TUSC3: variants seen among roughly 807,000 people sequenced by gnomAD.
TUSC3 encodes tumor suppressor candidate 3.
TUSC3 carries 45 observed loss-of-function variants against 44.8 expected under a neutral mutation model. The ratio of observed to expected loss-of-function variants is 1.00; its 90% CI spans 0.79 to 1.29. The LOEUF is 1.29. Ranked by LOEUF, TUSC3 falls within the 50% of genes most tolerant of loss-of-function variation. The pLI, the probability that TUSC3 is intolerant of heterozygous loss-of-function variation, is 0.00. For missense variants in TUSC3, 519 were observed against 437.9 expected, an observed-to-expected ratio of 1.19 and a Z score of -1.65; for synonymous variants, 212 against 152.9, an observed-to-expected ratio of 1.39 and a Z score of -2.85.
chr8:15,488,876 T>C (rs979566478), intron 2 of TUSC3, among the ~76,000 whole-genome samples: 46 of 152,286 alleles, frequency 3.0e-4, no homozygotes, highest in African/African-American at 9.9e-4. Context: ...GTATTTGTTA[T>C]AGCATCCCAA....
At chr8:15,645,139 T>C (rs1253567870) in intron 2 of TUSC3, among the ~76,000 whole-genome samples, 1 of 152,172 alleles carries the variant, frequency 6.6e-6, no homozygotes, top group Non-Finnish European at 1.5e-5. Flanking sequence ...CAATATATCA[T>C]GCATATTGTT....
downstream of TUSC3, among the ~76,000 whole-genome samples, chr8:15,768,714 C>T (rs986345218): frequency 2.8e-4 from 43 of 152,252 alleles, no homozygotes; most frequent in Admixed American, 7.8e-4. Context: ...CCCCAAATCC[C>T]CTTAAGCTGA....
intron 6 of TUSC3, among the ~76,000 whole-genome samples, chr8:15,707,843 AG>A (rs1809680641): frequency 6.6e-6 from 1 of 151,922 alleles, no homozygotes; most frequent in Non-Finnish European, 1.5e-5. Flanking sequence ...CAAAATCAAA[AG>A]ATTAGCGGGG....
At chr8:15,512,754 C>G (rs1328050929) in intron 2 of TUSC3, among the ~76,000 whole-genome samples, 1 of 151,008 alleles carries the variant, frequency 6.6e-6, no homozygotes, top group South Asian at 2.1e-4. Context: ...GCCTGGGCAA[C>G]AGAACAAGAC....
At chr8:15,614,294 T>G (rs1208499674) in intron 1 of TUSC3, among the ~76,000 whole-genome samples, 3 of 152,156 alleles carry the variant, frequency 2.0e-5, no homozygotes, top group Non-Finnish European at 2.9e-5. Flanking sequence ...CTAGCCTTTA[T>G]GTAGGTATGT....
In TUSC3 at chr8:15,656,937, A is replaced by G. The variant is rs541363186; in HGVS notation, c.427-2570A>G. 3.9e-5 allele frequency among the ~76,000 whole-genome samples: 6 copies of G among 152,296 alleles called. No homozygotes were observed. In the East Asian group the frequency reaches 1.2e-3, roughly 29 times the overall value. ...ACCCTCCAGAGTAGTGGGTTGAGCA[A>G]CACTTGAGCCTACTTGATCCTTGGT... On this transcript the variant is annotated intron_variant, in intron 3 of 10. Transcript: ENST00000503731.
chr8:15,597,320 A>G lies in TUSC3; in HGVS notation c.139-25760A>G, dbSNP rs149609435. Among the ~76,000 whole-genome samples the G allele has an allele frequency of 7.2e-4, 110 of 152,246 alleles. 1 individual carries two copies. In the East Asian group the frequency reaches 0.02, roughly 27 times the overall value. Reference sequence around the variant, plus strand: ...CTAAACCAGTATCATTTGGTTTATCAGAGTGTAATCTGGGACAGTTTTCCT... The same window carrying G: ...CTAAACCAGTATCATTTGGTTTATCGGAGTGTAATCTGGGACAGTTTTCCT... On this transcript the variant is annotated intron_variant, in intron 1 of 10. Coordinates refer to ENST00000503731, the MANE Select transcript of TUSC3 (RefSeq NM_006765.4).
chr8:15,600,389 A>G (rs1804236801), intron 1 of TUSC3, among the ~76,000 whole-genome samples: 1 of 151,806 alleles, frequency 6.6e-6, no homozygotes, highest in African/African-American at 2.4e-5. Context: ...TTAGGATGTC[A>G]GTAGGCTTAG....
At chr8:15,726,755 G>A (rs995406099) in intron 6 of TUSC3, among the ~76,000 whole-genome samples, 3 of 152,146 alleles carry the variant, frequency 2.0e-5, no homozygotes, top group African/African-American at 4.8e-5. Context: ...GCAGTGAGCC[G>A]AGATCATGCC....
At chr8:15,474,061 G>A (rs145133124) in intron 1 of TUSC3, among the ~76,000 whole-genome samples, 8 of 152,002 alleles carry the variant, frequency 5.3e-5, no homozygotes, top group South Asian at 2.1e-4. Context: ...TCTTCCCCAC[G>A]GTATTAATTA....
chr8:15,615,561 G>A (rs1181569100), intron 1 of TUSC3, among the ~76,000 whole-genome samples: 1 of 151,980 alleles, frequency 6.6e-6, no homozygotes, highest in Non-Finnish European at 1.5e-5. Context: ...AGCAGTGTAG[G>A]GTGAATATAG....
intron 10 of TUSC3, among the ~76,000 whole-genome samples, chr8:15,761,432 G>A (rs1196853531): frequency 3.3e-5 from 5 of 152,164 alleles, no homozygotes; most frequent in Non-Finnish European, 7.4e-5. Context: ...GGGAGCTTCT[G>A]GGGGCACATT....
chr8:15,582,769 A>C (rs925103114), intron 1 of TUSC3, among the ~76,000 whole-genome samples: 1 of 152,192 alleles, frequency 6.6e-6, no homozygotes, highest in Admixed American at 6.5e-5. Flanking sequence ...ACCTGCCTCA[A>C]CTCGAAGATT....
At chr8:15,791,464 C>T in the TUSC3 span, among the ~76,000 whole-genome samples, 1 of 152,080 alleles carries the variant, frequency 6.6e-6, no homozygotes, top group Non-Finnish European at 1.5e-5. Flanking sequence ...GTGTGGTTTA[C>T]ATTGCATTGT....
At position 15,472,738 on chromosome 8, in the gene TUSC3, T is replaced by G. The variant is rs574008466; in HGVS notation, n.92-10648T>G. ...ATTATAAATGTTTTATTTCATATGGTGCCGATAATTTACATTTTACTTGTG... is the reference window on the plus strand; with the variant it reads ...ATTATAAATGTTTTATTTCATATGGGGCCGATAATTTACATTTTACTTGTG... On this transcript the variant is annotated intron_variant and non_coding_transcript_variant, in intron 1 of 5. Transcript: ENST00000503191. Among the ~76,000 whole-genome samples, 9 of 152,286 alleles carry G rather than the reference T, an allele frequency of 5.9e-5. No homozygotes were observed. The East Asian group carries it at 1.7e-3, about 29-fold the overall frequency.
chr8:15,738,910 G>A (rs1811061661), intron 7 of TUSC3, among the ~76,000 whole-genome samples: 1 of 137,272 alleles, frequency 7.3e-6, no homozygotes, highest in African/African-American at 2.8e-5. Flanking sequence ...TCGGCTCACT[G>A]CAACCTCTGC....
chr8:15,480,965 C>T (rs560937921), intron 1 of TUSC3, among the ~76,000 whole-genome samples: 1 of 151,954 alleles, frequency 6.6e-6, no homozygotes, highest in Middle Eastern at 3.2e-3. Flanking sequence ...AGAAGTGGGG[C>T]CTTCAGGCAA....
chr8:15,559,451 G>A (rs1166893656), intron 1 of TUSC3, among the ~76,000 whole-genome samples: 4 of 147,556 alleles, frequency 2.7e-5, no homozygotes, highest in African/African-American at 9.9e-5. Context: ...AATAGGTGTG[G>A]TGTGGTGCTG....
Position 15,640,388 on chromosome 8 carries a change from C to T in TUSC3, c.309-10309C>T, listed in dbSNP as rs180784641. 7.9e-5 allele frequency among the ~76,000 whole-genome samples: 12 copies of T among 152,296 alleles called. No individual in the cohort carries two copies. In the East Asian group the frequency reaches 2.1e-3, roughly 27 times the overall value. ...TTTGTGTCCTTTCTCTGTAGTAAAT[C>T]TCAACCATGAATGTGACCATGTGCT... is the stretch of plus-strand genomic sequence containing the variant. On this transcript the variant is annotated intron_variant, in intron 2 of 10. Coordinates refer to ENST00000503731, the MANE Select transcript of TUSC3 (RefSeq NM_006765.4).
Sources: allele counts gnomAD v4.1 joint callset (sites outside exome capture counted in the v4.1 genomes callset), GRCh38; gene constraint gnomAD v4.1.1; transcripts MANE v1.5; gene names NCBI Gene and HGNC (gene_info 2026-07-23, HGNC 2026-07-21).